PCNX2: variants seen among roughly 807,000 people sequenced by gnomAD.
PCNX2 encodes the protein pecanex 2.
A neutral mutation model predicts 223.8 loss-of-function variants in PCNX2; 168 were observed. The observed-to-expected ratio is 0.75, with a 90% confidence interval of 0.66 to 0.85. The LOEUF is 0.85. Ranked by LOEUF, PCNX2 falls within the 40% of genes least tolerant of loss-of-function variation. The probability of loss-of-function intolerance (pLI) is 0.00; values close to 1 mark genes in which losing one functional copy is unlikely to be tolerated. For synonymous variants in PCNX2, 1,006 were observed against 1,052.6 expected (o/e 0.96, Z 0.86); for missense variants, 2,507 against 2,675.5 (o/e 0.94, Z 1.39).
intron 23 of PCNX2, among the ~76,000 whole-genome samples, chr1:233,061,220 C>T (rs1164138064): frequency 6.6e-6 from 1 of 152,074 alleles, no homozygotes; most frequent in Non-Finnish European, 1.5e-5. Context: ...GGCAGACCAA[C>T]CTTAAAGAAA....
chr1:233,188,709 G>C (rs977851264), intron 15 of PCNX2, among the ~76,000 whole-genome samples: 1 of 152,094 alleles, frequency 6.6e-6, no homozygotes, highest in African/African-American at 2.4e-5. Context: ...TTTTAGTAGA[G>C]ATGGGGTTTC....
intron 28 of PCNX2, among the ~76,000 whole-genome samples, 154 bp downstream of exon 28, chr1:233,014,511 C>A (rs1257309367): frequency 6.6e-6 from 1 of 152,138 alleles, no homozygotes; most frequent in East Asian, 1.9e-4. Context: ...AAAAAATGTT[C>A]ATGTAGGCCC....
intron 19 of PCNX2, among the ~76,000 whole-genome samples, chr1:233,155,810 T>G (rs1309792574): frequency 1.3e-5 from 2 of 152,234 alleles, no homozygotes; most frequent in African/African-American, 4.8e-5. Context: ...TAAAGTCATT[T>G]GTCTGGAATC....
chr1:233,292,235 T>A (rs1294325), intron 1 of PCNX2, among the ~76,000 whole-genome samples: 1 of 138,220 alleles, frequency 7.2e-6, no homozygotes, highest in South Asian at 2.4e-4. Flanking sequence ...GAGATGGAGT[T>A]TTGCTCTGTC....
Position 233,143,282 on chromosome 1 carries a change from G to A in PCNX2, c.3518-3427C>T, listed in dbSNP as rs142701685. Among the ~76,000 whole-genome samples the A allele has an allele frequency of 2.9e-4, 44 of 152,198 alleles. No individual in the cohort carries two copies. The East Asian group carries it at 4.6e-3, about 16-fold the overall frequency. ...CATAGCTGTACGTTGAAATCACTTC[G>A]GGGCAAAGCTGAAAAACACTGTCCT... On this transcript the variant is annotated intron_variant, in intron 19 of 33. Coordinates refer to ENST00000258229, the MANE Select transcript of PCNX2 (RefSeq NM_014801.4).
At chr1:233,042,783 G>T (rs890729020) in intron 25 of PCNX2, among the ~76,000 whole-genome samples, 5 of 152,100 alleles carry the variant, frequency 3.3e-5, no homozygotes, top group Admixed American at 6.5e-5. Flanking sequence ...TTTCCTAAGT[G>T]AAAAAAGATA....
intron 1 of PCNX2, among the ~76,000 whole-genome samples, chr1:233,267,931 T>G (rs1014452861): frequency 4.6e-5 from 7 of 152,084 alleles, no homozygotes; most frequent in Non-Finnish European, 8.8e-5. Context: ...GTTTTTTTTT[T>G]AAGACAGTCT....
chr1:233,021,511 G>T (rs962680031), intron 26 of PCNX2, among the ~76,000 whole-genome samples: 18 of 151,446 alleles, frequency 1.2e-4, no homozygotes, highest in East Asian at 1.9e-4. Context: ...AGAAAAAAAA[G>T]TCCTTGGGTC....
chr1:233,321,333 TG>T, the PCNX2 span, among the ~76,000 whole-genome samples: 19 of 152,328 alleles, frequency 1.2e-4, no homozygotes, highest in East Asian at 3.5e-3. Flanking sequence ...CGTCTTGCTC[TG>T]TCACCCAGGC....
chr1:232,997,136 AAAT>A (rs1239245400), intron 32 of PCNX2, among the ~76,000 whole-genome samples: 3 of 152,114 alleles, frequency 2.0e-5, no homozygotes, highest in Non-Finnish European at 4.4e-5. Context: ...TTTCCCCTTT[AAAT>A]AATGAAGTCC....
At chr1:233,070,491 A>T (rs1672806919) in intron 23 of PCNX2, among the ~76,000 whole-genome samples, 1 of 152,148 alleles carries the variant, frequency 6.6e-6, no homozygotes, top group East Asian at 1.9e-4. Flanking sequence ...AAAATTCAGC[A>T]ATATATAAAA....
Position 233,139,826 on chromosome 1 carries a change from G to T in PCNX2, c.3547C>A (p.Leu1183Ile), listed in dbSNP as rs1317542050. The T allele has an allele frequency of 3.1e-6, 5 of 1,613,332 alleles. No individual in the cohort carries two copies. In the African/African-American group the frequency reaches 6.7e-5, roughly 22 times the overall value. ...TCAAAACACTGAAGCCAAACATAGA[G>T]TCTTTCGAACCACATTAAATGGGCA... ...DVAHLMWFER[L>I]YVWLQCFEKY... Residue 1183 changes from leucine to isoleucine, a missense_variant, in exon 20 of 34, where the codon CTC (leucine) becomes ATC (isoleucine). Physicochemically the swap from Leu to Ile is conservative, Grantham distance 5. Transcript: ENST00000258229. This position sits in a 1 kb window ranked among gnomAD's most constrained non-coding sequence, Gnocchi z 4.4.
rs1485030638 is a variant in PCNX2 at position 233,272,972 on chromosome 1, C to T, written c.154-9809G>A. 3.3e-5 allele frequency among the ~76,000 whole-genome samples: 5 copies of T among 151,774 alleles called. No homozygotes were observed. The East Asian group carries it at 5.8e-4, about 18-fold the overall frequency. ...AGGATGCAAAGGCATAAGAATGATACAATAGACTCTGGGGACTTGGGGGAA... is the reference window on the plus strand; with the variant it reads ...AGGATGCAAAGGCATAAGAATGATATAATAGACTCTGGGGACTTGGGGGAA... On this transcript the variant is annotated intron_variant, in intron 1 of 33. Transcript: ENST00000258229.
chr1:233,306,948 T>C, the PCNX2 span, among the ~76,000 whole-genome samples: 1 of 152,216 alleles, frequency 6.6e-6, no homozygotes, highest in African/African-American at 2.4e-5. Context: ...ACAAGTACTC[T>C]ACCTTAAAAT....
chr1:232,990,399 G>C lies in PCNX2; in HGVS notation c.5792-3859C>G, dbSNP rs539116536. ...CTTCTGGATAGTTGAATCACATCTT[G>C]GAGGGATTCTGGCCGGGGGATTGGG... is the stretch of plus-strand genomic sequence containing the variant. On this transcript the variant is annotated intron_variant, in intron 32 of 33. Coordinates refer to ENST00000258229, the MANE Select transcript of PCNX2 (RefSeq NM_014801.4). This position sits in a 1 kb window ranked among gnomAD's most constrained non-coding sequence, Gnocchi z 4.3. Among the ~76,000 whole-genome samples the C allele has an allele frequency of 2.6e-4, 40 of 152,282 alleles. No individual in the cohort carries two copies. Among genetic ancestry groups the C allele is most frequent in the Middle Eastern group, 3.4e-3 (1 of 292 alleles).
intron 26 of PCNX2, among the ~76,000 whole-genome samples, chr1:233,018,014 AGTTT>A (rs762057932): frequency 2.7e-4 from 41 of 152,108 alleles, no homozygotes; most frequent in African/African-American, 5.3e-4. Context: ...CAGGGTTTTC[AGTTT>A]GTTTGTTTGT....
At chr1:233,018,503 TGATTATTA>T (rs1670763668) in intron 26 of PCNX2, among the ~76,000 whole-genome samples, 1 of 152,212 alleles carries the variant, frequency 6.6e-6, no homozygotes, top group African/African-American at 2.4e-5. Context: ...CCCTTGGGCT[TGATTATTA>T]TGAGTAACAG....
At chr1:233,259,506 T>C (rs1659934944) in intron 4 of PCNX2, among the ~76,000 whole-genome samples, 162 bp from the exon 5 acceptor site, 1 of 152,214 alleles carries the variant, frequency 6.6e-6, no homozygotes, top group Non-Finnish European at 1.5e-5. Flanking sequence ...GTGCAGAACA[T>C]GCAGGTTTGT....
chr1:233,166,822 T>C (rs1678823604), intron 17 of PCNX2, among the ~76,000 whole-genome samples: 1 of 152,056 alleles, frequency 6.6e-6, no homozygotes. Flanking sequence ...CAACCCATTA[T>C]GAAAATAATA....
Sources: gnomAD v4.1 joint callset for allele counts (sites outside exome capture counted in the v4.1 genomes callset) on GRCh38, gnomAD v4.1.1 for gene constraint, Gnocchi (gnomAD v3.1) non-coding constraint, MANE v1.5 for transcripts, NCBI Gene and HGNC (gene_info 2026-07-23, HGNC 2026-07-21) for gene names.